SOX13: variants seen among roughly 807,000 people sequenced by gnomAD.
SOX13 encodes SRY-box transcription factor 13.
SOX13 carries 28 observed loss-of-function variants against 71.8 expected under a neutral mutation model. That is an observed-to-expected ratio of 0.39 (90% CI 0.29 to 0.53). The LOEUF is 0.53. Ranked by LOEUF, SOX13 falls within the 20% of genes least tolerant of loss-of-function variation. The pLI is 0.70. For synonymous variants in SOX13, 309 were observed against 317.8 expected, an observed-to-expected ratio of 0.97 and a Z score of 0.29; for missense variants, 627 against 810.3, an observed-to-expected ratio of 0.77 and a Z score of 2.75.
At chr1:204,115,492 T>TTTAA (rs1491309003) in intron 4 of SOX13, among the ~76,000 whole-genome samples, 6 of 49,964 alleles carry the variant, frequency 1.2e-4, no homozygotes, top group South Asian at 1.1e-3. Flanking sequence ...TTTTTTTTTT[T>TTTAA]AAAAAAAAAA....
In SOX13 at chr1:204,116,655, G is replaced by T. The variant is rs371235736; in HGVS notation, c.567G>T (p.Glu189Asp). ...TTGAGAAGCAGCAGCAGCAGATGGA[G>T]CTTGCCCGGCAGCAGCAGGAGCAGG... Reference protein sequence around the residue: ...MLFEKQQQQMELARQQQEQIA... With the variant: ...MLFEKQQQQMDLARQQQEQIA... The change falls in exon 5 of 14, where the codon GAG becomes GAT. Residue 189 changes from glutamate to aspartate, a missense_variant. Glu to Asp is a conservative substitution (Grantham distance 45). Coordinates refer to ENST00000367204, the MANE Select transcript of SOX13 (RefSeq NM_005686.3). 1 of 1,613,792 alleles carries T rather than the reference G, an allele frequency of 6.2e-7. No homozygotes were observed.
At chr1:204,075,650 C>A (rs1430492443) in intron 1 of SOX13, among the ~76,000 whole-genome samples, 2 of 152,152 alleles carry the variant, frequency 1.3e-5, no homozygotes, top group Non-Finnish European at 2.9e-5. Context: ...CAAATATAGC[C>A]TAGTGGTTAA....
At position 204,090,557 on chromosome 1, in the gene SOX13, C is replaced by T. The variant is rs554018799; in HGVS notation, c.-2+16846C>T. On this transcript the variant is annotated intron_variant, in intron 1 of 13. Transcript: ENST00000367204. ...CCGAGTAGCTGGGATTACAGGTGTGCGCCACCACACTCGGCTAACTTTTTT... is the reference window on the plus strand; with the variant it reads ...CCGAGTAGCTGGGATTACAGGTGTGTGCCACCACACTCGGCTAACTTTTTT... 7.2e-4 allele frequency among the ~76,000 whole-genome samples: 109 copies of T among 151,760 alleles called. 4 individuals are homozygous for T. In the South Asian group the frequency reaches 0.021, roughly 29 times the overall value.
intron 1 of SOX13, among the ~76,000 whole-genome samples, chr1:204,097,693 C>CAAAAA (rs35230746): frequency 1.4e-5 from 1 of 69,674 alleles, no homozygotes; most frequent in Non-Finnish European, 3.2e-5. Context: ...AACTCCGTCT[C>CAAAAA]AAAAAAAAAA....
intron 1 of SOX13, among the ~76,000 whole-genome samples, chr1:204,090,512 G>A (rs957778384): frequency 6.6e-6 from 1 of 151,038 alleles, no homozygotes; most frequent in African/African-American, 2.4e-5. Context: ...GGGTTCAAGC[G>A]ATTCTCCTGC....
chr1:204,116,353 A>G (rs1172362178), intron 4 of SOX13, 154 bp from the exon 5 acceptor site: 1 of 1,556,954 alleles, frequency 6.4e-7, no homozygotes. Context: ...CTTCAAGGCA[A>G]GCATCTTGTG....
chr1:204,100,128 A>C (rs1342962487), intron 1 of SOX13, among the ~76,000 whole-genome samples: 1 of 152,214 alleles, frequency 6.6e-6, no homozygotes, highest in Non-Finnish European at 1.5e-5. Context: ...TGACAGAGTG[A>C]GACCCCATCT....
At chr1:204,075,198 C>T (rs146257072) in intron 1 of SOX13, among the ~76,000 whole-genome samples, 4,372 of 152,328 alleles carry the variant, frequency 0.029, 116 homozygotes, top group Admixed American at 0.069. Context: ...CGCTCTCCGT[C>T]GAGCCAGGCC....
rs548137754 is a variant in SOX13 at position 204,123,359 on chromosome 1, G to T, written c.1231+151G>T. 6.6e-6 allele frequency among the ~76,000 whole-genome samples: 1 copy of T among 152,308 alleles called. No individual in the cohort carries two copies. The highest frequency in any genetic ancestry group is 2.4e-5 in the African/African-American group (1 of 41,566). On this transcript the variant is annotated intron_variant, in intron 11 of 13. Coordinates refer to ENST00000367204, the MANE Select transcript of SOX13 (RefSeq NM_005686.3). The surrounding 1 kb of genome is among the most constrained non-coding windows in gnomAD (Gnocchi z 5.0). ...GCCTCTGCTGTCCCATTATGTGTCT[G>T]TCGGCTCTGTCTCTGAGTCTGCTTT...
At position 204,126,014 on chromosome 1, in the gene SOX13, G is replaced by A. The variant is rs768627704; in HGVS notation, c.1749G>A (p.Glu583=). The change falls in exon 14 of 14, where the codon GAG becomes GAA. Residue 583 remains glutamate, a synonymous_variant. Coordinates refer to ENST00000367204, the MANE Select transcript of SOX13 (RefSeq NM_005686.3). ...TCAACACCTGCAGCCTCAGAGAGGA[G>A]GGTGAGGGCACAGATGACAGGCACT... ...VIVNTCSLRE[E]GEGTDDRHSV... is the part of the protein sequence containing the mutation. 1 of 1,613,892 alleles carries A rather than the reference G, an allele frequency of 6.2e-7. No individual in the cohort carries two copies. Among genetic ancestry groups the A allele is most frequent in the African/African-American group, 1.3e-5 (1 of 74,928 alleles).
rs1491309003 is a variant in SOX13, at chr1:204,115,492, T to TTAA, written c.418+887_418+888insTAA. 6.6e-3 allele frequency among the ~76,000 whole-genome samples: 331 copies of TTAA among 49,986 alleles called. 1 individual carries two copies. The highest frequency in any genetic ancestry group is 8.3e-3 in the Non-Finnish European group (232 of 27,886). 32.8% of individuals were successfully genotyped at this position (49,986 alleles called of 152,430 possible). ...CCGATGTTGTTTTTTTTTTTTTTTT[T>TTAA]AAAAAAAAAAAAAAAAAAAAAGGTC... On this transcript the variant is annotated intron_variant, in intron 4 of 13. Transcript: ENST00000367204.
intron 1 of SOX13, among the ~76,000 whole-genome samples, chr1:204,106,392 C>A (rs1160189843): frequency 6.6e-6 from 1 of 152,168 alleles, no homozygotes; most frequent in Non-Finnish European, 1.5e-5. Flanking sequence ...AACTCTGTCA[C>A]TCTCTTGTCA....
intron 1 of SOX13, among the ~76,000 whole-genome samples, chr1:204,104,582 G>A (rs1656425342): frequency 6.6e-6 from 1 of 152,228 alleles, no homozygotes; most frequent in African/African-American, 2.4e-5. Flanking sequence ...ATTCCCCTGG[G>A]ACTCAAGCCC....
At chr1:204,111,807 G>T (rs1402593026) in intron 1 of SOX13, among the ~76,000 whole-genome samples, 1 of 148,618 alleles carries the variant, frequency 6.7e-6, no homozygotes, top group Non-Finnish European at 1.5e-5. Context: ...AGCCTCTTGA[G>T]TAACTGGGAT....
intron 1 of SOX13, among the ~76,000 whole-genome samples, chr1:204,093,194 CTG>C (rs1259144393): frequency 2.6e-5 from 4 of 152,130 alleles, no homozygotes; most frequent in African/African-American, 7.2e-5. Flanking sequence ...AGGAAAGAAA[CTG>C]TTTCTCGAAT....
chr1:204,117,450 G>A, intron 6 of SOX13, 143 bp from the exon 7 acceptor site: 1 of 675,066 alleles, frequency 1.5e-6, no homozygotes, highest in Non-Finnish European at 2.6e-6. Context: ...TTGGCCTAGG[G>A]TCAAAGGGAT....
chr1:204,109,123 G>C (rs924044726), intron 1 of SOX13, among the ~76,000 whole-genome samples: 5 of 152,194 alleles, frequency 3.3e-5, no homozygotes, highest in Non-Finnish European at 7.3e-5. Context: ...GGACCCCAGG[G>C]TGAGCTGGCC....
intron 1 of SOX13, among the ~76,000 whole-genome samples, chr1:204,111,855 G>A (rs777501388): frequency 2.6e-4 from 40 of 152,144 alleles, no homozygotes; most frequent in East Asian, 5.8e-4. Context: ...ATTTCCCCCC[G>A]TGTGATAGAT....
chr1:204,083,568 G>A (rs1285303741), intron 1 of SOX13, among the ~76,000 whole-genome samples: 1 of 152,216 alleles, frequency 6.6e-6, no homozygotes, highest in Non-Finnish European at 1.5e-5. Context: ...ATCTAGGTGT[G>A]TGGACAGATT....
Sources: allele counts gnomAD v4.1 joint callset (sites outside exome capture counted in the v4.1 genomes callset), GRCh38; gene constraint gnomAD v4.1.1; non-coding constraint Gnocchi (gnomAD v3.1); transcripts MANE v1.5; gene names NCBI Gene and HGNC (gene_info 2026-07-23, HGNC 2026-07-21).